The following NUDT7 variants were observed in gnomAD, a reference collection of about 807,000 sequenced individuals.
The protein encoded by NUDT7 is nudix hydrolase 7.
NUDT7 carries 19 observed loss-of-function variants against 13.1 expected under a neutral mutation model. The ratio of observed to expected loss-of-function variants is 1.45; its 90% CI spans 1.01 to 2.13. The LOEUF is 2.13. NUDT7 is among the 30% of genes most tolerant of loss of function. The pLI, the probability that NUDT7 is intolerant of heterozygous loss-of-function variation, is 0.00. For missense variants in NUDT7, 360 were observed against 291.7 expected (o/e 1.23, Z -1.71); for synonymous variants, 132 against 109.7 (o/e 1.20, Z -1.27).
At chr16:77,725,376 C>T in intron 1 of NUDT7, 55 bp from the exon 2 acceptor site, 2 of 1,531,092 alleles carry the variant, frequency 1.3e-6, no homozygotes, top group Non-Finnish European at 8.9e-7. Context: ...GGACTATAAG[C>T]TTTTTACCAT....
chr16:77,724,425 C>G (rs1254687951), intron 1 of NUDT7, among the ~76,000 whole-genome samples: 1 of 147,346 alleles, frequency 6.8e-6, no homozygotes, highest in Non-Finnish European at 1.5e-5. Context: ...CATGCCTAAG[C>G]TAATTTATGC....
At chr16:77,737,463 A>C (rs1357311727) in intron 3 of NUDT7, 2 of 150,620 alleles carry the variant, frequency 1.3e-5, no homozygotes, top group African/African-American at 2.5e-5. Flanking sequence ...GGTAGGTATA[A>C]ACTTTTCATG....
chr16:77,724,902 T>C (rs1216212181), intron 1 of NUDT7, among the ~76,000 whole-genome samples: 2 of 152,198 alleles, frequency 1.3e-5, no homozygotes, highest in South Asian at 2.1e-4. Flanking sequence ...ATGCTAATTC[T>C]CAGGCCCTAC....
chr16:77,735,344 G>A lies in NUDT7; in HGVS notation c.190-484G>A, dbSNP rs562555334. On this transcript the variant is annotated intron_variant, in intron 2 of 3. Transcript: ENST00000268533. ...GAGTGAGTTCTCACGAGATAAGGTT[G>A]TTTAAAAGTGTGTAGCACCTCCCCT... 8.1e-5 allele frequency: 39 copies of A among 483,432 alleles called. No individual in the cohort carries two copies. In the Admixed American group the frequency reaches 1.1e-3, roughly 13 times the overall value. The allele number at this position is 483,432 out of a possible 1,614,324, so 29.9% of individuals were successfully genotyped here. A position where few individuals can be genotyped will look rare whatever the true frequency, so the allele number is the denominator to read the frequency against.
Position 77,725,456 on chromosome 16 carries a change from G to A in NUDT7, c.61G>A (p.Ala21Thr), listed in dbSNP as rs754765661. ...VRNSLLDDAK[A>T]RLRKYDIGGK... ...AAACAGTTTGCTAGATGATGCTAAG[G>A]CCCGCTTAAGAAAGTATGATATTGG... The change falls in exon 2 of 4, where the codon GCC becomes ACC. Residue 21 changes from alanine (A) to threonine (T), a missense_variant. Ala to Thr is a moderately conservative substitution (Grantham distance 58, BLOSUM62 0). Coordinates refer to ENST00000268533, the MANE Select transcript of NUDT7 (RefSeq NM_001105663.3). 16 of 1,612,964 alleles carry A rather than the reference G, an allele frequency of 9.9e-6. No homozygotes were observed. In the East Asian group the frequency reaches 1.1e-4, roughly 11 times the overall value.
chr16:77,729,713 T>C (rs2014252140), intron 2 of NUDT7, among the ~76,000 whole-genome samples: 1 of 152,074 alleles, frequency 6.6e-6, no homozygotes, highest in Non-Finnish European at 1.5e-5. Context: ...TAGTTCCAGC[T>C]ACTCGCGAGG....
chr16:77,730,028 CAT>C (rs1191181234), intron 2 of NUDT7, among the ~76,000 whole-genome samples: 1 of 152,086 alleles, frequency 6.6e-6, no homozygotes, highest in East Asian at 1.9e-4. Flanking sequence ...CATATGGTAA[CAT>C]ATCACCACAC....
At chr16:77,740,228 C>T (rs1398280932) in intron 3 of NUDT7, among the ~76,000 whole-genome samples, 1 of 152,164 alleles carries the variant, frequency 6.6e-6, no homozygotes, top group African/African-American at 2.4e-5. Flanking sequence ...TTGACTTTCA[C>T]TATTATTTTG....
chr16:77,741,300 G>A (rs373642446), intron 3 of NUDT7, among the ~76,000 whole-genome samples: 22 of 152,232 alleles, frequency 1.4e-4, no homozygotes, highest in African/African-American at 4.6e-4. Context: ...AGGTCAAAGC[G>A]AACACATTTT....
intron 3 of NUDT7, among the ~76,000 whole-genome samples, chr16:77,737,206 T>C (rs1476972901): frequency 2.0e-5 from 3 of 152,220 alleles, no homozygotes; most frequent in Non-Finnish European, 4.4e-5. Context: ...CTAATGTCCT[T>C]TCTGTCCTGG....
intron 3 of NUDT7, among the ~76,000 whole-genome samples, chr16:77,741,227 T>C (rs796875913): frequency 5.3e-5 from 8 of 152,276 alleles, no homozygotes; most frequent in African/African-American, 1.9e-4. Flanking sequence ...ATTCTTCAGG[T>C]TTATACTTGT....
At chr16:77,733,121 A>T (rs1055253267) in intron 2 of NUDT7, among the ~76,000 whole-genome samples, 1 of 152,202 alleles carries the variant, frequency 6.6e-6, no homozygotes, top group African/African-American at 2.4e-5. Flanking sequence ...AAGGACTTAA[A>T]AAAAAATTTT....
intron 3 of NUDT7, among the ~76,000 whole-genome samples, chr16:77,740,415 C>T (rs531784154): frequency 2.0e-5 from 3 of 152,280 alleles, no homozygotes; most frequent in East Asian, 3.9e-4. Flanking sequence ...CTTTCTAATA[C>T]AAAGGCAGGC....
At chr16:77,728,213 A>G (rs1364692529) in intron 2 of NUDT7, among the ~76,000 whole-genome samples, 1 of 152,062 alleles carries the variant, frequency 6.6e-6, no homozygotes, top group East Asian at 1.9e-4. Context: ...GCAATCTCCC[A>G]CTAGCTCTGG....
At position 77,725,947 on chromosome 16, in the gene NUDT7, C is replaced by T. The variant is rs2014121816; in HGVS notation, c.189+363C>T. ...ACCAGATGCCAGTAGCACACACAAA[C>T]ACAAGCTCACACACACCTTTGTCCC... On this transcript the variant is annotated intron_variant, in intron 2 of 3. Transcript: ENST00000268533. Among the ~76,000 whole-genome samples the T allele has an allele frequency of 2.0e-5, 3 of 152,066 alleles. No homozygotes were observed. In the South Asian group the frequency reaches 6.2e-4, roughly 32 times the overall value.
chr16:77,738,518 T>C (rs1249570788), intron 3 of NUDT7, among the ~76,000 whole-genome samples: 1 of 152,212 alleles, frequency 6.6e-6, no homozygotes, highest in East Asian at 1.9e-4. Flanking sequence ...CATAATCTAA[T>C]CTACGTGGCT....
chr16:77,726,472 C>T (rs568277113), intron 2 of NUDT7, among the ~76,000 whole-genome samples: 43 of 152,272 alleles, frequency 2.8e-4, no homozygotes, highest in African/African-American at 1.0e-3. Flanking sequence ...TGGCTCACCC[C>T]TTGTATTGGT....
At chr16:77,729,664 A>G (rs1459365182) in intron 2 of NUDT7, among the ~76,000 whole-genome samples, 1 of 152,112 alleles carries the variant, frequency 6.6e-6, no homozygotes, top group Non-Finnish European at 1.5e-5. Context: ...CATCTCTACT[A>G]AAAATGCAAA....
Position 77,741,903 on chromosome 16 carries a change from G to T in NUDT7, c.670G>T (p.Glu224Ter). Residue 224 changes from glutamate (E) to a stop codon, truncating the protein, a stop_gained, in exon 4 of 4, where the codon GAA becomes TAA. Coordinates refer to ENST00000268533, the MANE Select transcript of NUDT7 (RefSeq NM_001105663.3). LOFTEE classifies it low-confidence loss of function (END_TRUNC). Reference sequence around the variant, plus strand: ...TCTTAATGATGTATTAGCATCCTCTGAAGAGTTATTCCTGAAGGTTCATAA... The same window carrying T: ...TCTTAATGATGTATTAGCATCCTCTTAAGAGTTATTCCTGAAGGTTCATAA... Reference protein sequence around the residue: ...FNLNDVLASSEELFLKVHKKA... With the variant: ...FNLNDVLASS The T allele has an allele frequency of 6.2e-7, 1 of 1,612,610 alleles. No homozygotes were observed. The highest frequency in any genetic ancestry group is 8.5e-7 in the Non-Finnish European group (1 of 1,179,570).
Sources: gnomAD v4.1 joint callset for allele counts (sites outside exome capture counted in the v4.1 genomes callset) on GRCh38, gnomAD v4.1.1 for gene constraint, MANE v1.5 for transcripts, NCBI Gene and HGNC (gene_info 2026-07-23, HGNC 2026-07-21) for gene names.